MRPL13: variants seen among roughly 807,000 people sequenced by gnomAD.
The protein encoded by MRPL13 is large ribosomal subunit protein uL13m.
A neutral mutation model predicts 29.0 loss-of-function variants in MRPL13; 33 were observed. That is an observed-to-expected ratio of 1.14 (90% CI 0.86 to 1.52). The LOEUF (loss-of-function observed/expected upper bound fraction) is 1.52, where lower values mean the gene tolerates loss of function less well. Among genes scored for constraint, MRPL13 ranks in the 40% most tolerant of loss-of-function variants. The probability of loss-of-function intolerance (pLI) is 0.00; values close to 1 mark genes in which losing one functional copy is unlikely to be tolerated. For synonymous variants in MRPL13, 77 were observed against 68.4 expected, an observed-to-expected ratio of 1.13 and a Z score of -0.62; for missense variants, 227 against 216.7, an observed-to-expected ratio of 1.05 and a Z score of -0.30.
At chr8:120,425,980 C>T (rs1030748631) in intron 3 of MRPL13, among the ~76,000 whole-genome samples, 3 of 152,126 alleles carry the variant, frequency 2.0e-5, no homozygotes, top group Middle Eastern at 3.4e-3. Context: ...TCCAGATACC[C>T]TAGATGCAGG....
intron 3 of MRPL13, among the ~76,000 whole-genome samples, chr8:120,428,441 T>C (rs1289810041): frequency 1.3e-5 from 2 of 152,088 alleles, no homozygotes; most frequent in African/African-American, 2.4e-5. Flanking sequence ...TGGGCAAAGA[T>C]TTCATGACAA....
At chr8:120,406,034 A>G (rs1375744206) in intron 6 of MRPL13, among the ~76,000 whole-genome samples, 1 of 152,204 alleles carries the variant, frequency 6.6e-6, no homozygotes, top group South Asian at 2.1e-4. Flanking sequence ...TGTAGTTTTA[A>G]AATGTGCGTT....
intron 2 of MRPL13, among the ~76,000 whole-genome samples, chr8:120,438,534 A>C (rs1490849335): frequency 6.6e-6 from 1 of 152,202 alleles, no homozygotes; most frequent in African/African-American, 2.4e-5. Flanking sequence ...AGTTAGTGCT[A>C]TATTTGGAGA....
chr8:120,435,483 GTT>G (rs758030489), intron 2 of MRPL13, among the ~76,000 whole-genome samples: 17 of 152,026 alleles, frequency 1.1e-4, no homozygotes, highest in Non-Finnish European at 7.4e-5. Context: ...TCCTGTGTTA[GTT>G]TACTTAGGAT....
chr8:120,439,102 G>A (rs911024352), intron 2 of MRPL13, among the ~76,000 whole-genome samples: 3 of 152,146 alleles, frequency 2.0e-5, no homozygotes, highest in African/African-American at 7.2e-5. Context: ...GTCATTCATG[G>A]ACATGCTCAG....
At chr8:120,421,369 C>A (rs1446725968) in intron 4 of MRPL13, among the ~76,000 whole-genome samples, 1 of 151,686 alleles carries the variant, frequency 6.6e-6, no homozygotes, top group African/African-American at 2.4e-5. Flanking sequence ...AAATATTTAA[C>A]AAACTATTAC....
At chr8:120,442,211 A>G (rs1004385783) in intron 2 of MRPL13, among the ~76,000 whole-genome samples, 1 of 152,188 alleles carries the variant, frequency 6.6e-6, no homozygotes, top group African/African-American at 2.4e-5. Flanking sequence ...CGAACATATC[A>G]AGTGTTATTG....
chr8:120,440,027 T>A (rs909232029), intron 2 of MRPL13, among the ~76,000 whole-genome samples: 3 of 152,174 alleles, frequency 2.0e-5, no homozygotes, highest in African/African-American at 7.2e-5. Flanking sequence ...CTACTACAGG[T>A]ACTGGGGATA....
chr8:120,444,931 G>A (rs1000885108), intron 1 of MRPL13, 137 bp downstream of exon 1: 1 of 1,083,090 alleles, frequency 9.2e-7, no homozygotes, highest in Non-Finnish European at 1.4e-6. Context: ...CGACCCTCTT[G>A]TGCTTTCCCA....
Position 120,406,555 on chromosome 8 carries a change from ATGTGTGTGTGTG to A in MRPL13, c.515+7424_515+7435del, listed in dbSNP as rs72150915. Among the ~76,000 whole-genome samples, 139 of 147,152 alleles carry A rather than the reference ATGTGTGTGTGTG, an allele frequency of 9.4e-4. 1 individual carries two copies. Among genetic ancestry groups the A allele is most frequent in the East Asian group, 5.1e-3 (26 of 5,056 alleles). On this transcript the variant is annotated intron_variant, in intron 6 of 6. Transcript: ENST00000306185. ...CTAACAGTGGATTATATATGTGTGC[ATGTGTGTGTGTG>A]TGTGTGTGTGTGTGTGTGTGTGTGT...
At chr8:120,431,009 A>C (rs751031470) in intron 3 of MRPL13, among the ~76,000 whole-genome samples, 4 of 152,172 alleles carry the variant, frequency 2.6e-5, no homozygotes, top group Non-Finnish European at 5.9e-5. Context: ...GAGATCTGCC[A>C]ATAGCTGAAA....
chr8:120,409,050 CCTTACCATCCAT>C (rs1812712753), intron 6 of MRPL13, among the ~76,000 whole-genome samples: 1 of 152,176 alleles, frequency 6.6e-6, no homozygotes, highest in South Asian at 2.1e-4. Context: ...TTGTCTTCAT[CCTTACCATCCAT>C]CTCTCCTTTG....
intron 6 of MRPL13, among the ~76,000 whole-genome samples, chr8:120,398,609 G>A (rs1156403253): frequency 6.6e-6 from 1 of 152,116 alleles, no homozygotes; most frequent in Non-Finnish European, 1.5e-5. Flanking sequence ...CCAAATGACA[G>A]CAACACCTCT....
At chr8:120,396,265 G>GA (rs549952886) in intron 6 of MRPL13, 140 bp from the exon 7 acceptor site, 1,966 of 602,410 alleles carry the variant, frequency 3.3e-3, no homozygotes, top group East Asian at 4.1e-3. Flanking sequence ...AATTTTTGGT[G>GA]AAAAAAAAAC....
At chr8:120,419,002 A>G (rs1021493735) in intron 5 of MRPL13, among the ~76,000 whole-genome samples, 14 of 152,050 alleles carry the variant, frequency 9.2e-5, no homozygotes, top group African/African-American at 2.9e-4. Context: ...ATTTTGGAAT[A>G]AATTTCTACA....
At chr8:120,410,152 T>C (rs1812724424) in intron 6 of MRPL13, among the ~76,000 whole-genome samples, 1 of 152,168 alleles carries the variant, frequency 6.6e-6, no homozygotes. Context: ...AGATGTACAT[T>C]CTAATATTAT....
At position 120,398,378 on chromosome 8, in the gene MRPL13, C is replaced by T. The variant is rs116126763; in HGVS notation, c.516-2253G>A. On this transcript the variant is annotated intron_variant, in intron 6 of 6. Coordinates refer to ENST00000306185, the MANE Select transcript of MRPL13 (RefSeq NM_014078.6). ...GAAACAACTAGGGTCTGGAGCAATC[C>T]CCCAGCAAACTGCAACAGTCCTACG... 8.6e-3 allele frequency among the ~76,000 whole-genome samples: 1,311 copies of T among 152,186 alleles called. 15 individuals are homozygous for T. Among genetic ancestry groups the T allele is most frequent in the African/African-American group, 0.03 (1,225 of 41,524 alleles).
At chr8:120,440,275 G>A (rs1023204324) in intron 2 of MRPL13, among the ~76,000 whole-genome samples, 10 of 152,214 alleles carry the variant, frequency 6.6e-5, no homozygotes, top group Non-Finnish European at 7.3e-5. Context: ...AAGCTATGCA[G>A]ATATCTGGTA....
At chr8:120,407,761 T>C (rs930052934) in intron 6 of MRPL13, among the ~76,000 whole-genome samples, 6 of 152,174 alleles carry the variant, frequency 3.9e-5, no homozygotes, top group Non-Finnish European at 7.4e-5. Context: ...CTATTTCAGC[T>C]GTAAGTCCAG....
Sources: gnomAD v4.1 joint callset for allele counts (sites outside exome capture counted in the v4.1 genomes callset) on GRCh38, gnomAD v4.1.1 for gene constraint, MANE v1.5 for transcripts, NCBI Gene and HGNC (gene_info 2026-07-23, HGNC 2026-07-21) for gene names.